Variants in SESTD1 observed in about 807,000 individuals in gnomAD.
SESTD1 encodes the protein SEC14 domain and spectrin repeat-containing protein 1.
SESTD1 carries 43 observed loss-of-function variants against 101.7 expected under a neutral mutation model. The observed-to-expected ratio is 0.42, with a 90% confidence interval of 0.33 to 0.55. The LOEUF is 0.55. Ranked by LOEUF, SESTD1 falls within the 20% of genes least tolerant of loss-of-function variation. SESTD1 has a pLI of 0.07. For missense variants in SESTD1, 647 were observed against 815.1 expected, an observed-to-expected ratio of 0.79 and a Z score of 2.51; for synonymous variants, 283 against 286.8, an observed-to-expected ratio of 0.99 and a Z score of 0.13.
intron 8 of SESTD1, among the ~76,000 whole-genome samples, 176 bp from the exon 9 acceptor site, chr2:179,143,979 AAT>A (rs1222554394): frequency 1.3e-5 from 2 of 151,224 alleles, no homozygotes; most frequent in Non-Finnish European, 1.5e-5. Flanking sequence ...TGTACATATT[AAT>A]ATATATATGT....
intron 5 of SESTD1, among the ~76,000 whole-genome samples, chr2:179,171,776 T>A (rs934845455): frequency 2.6e-5 from 4 of 152,146 alleles, no homozygotes; most frequent in Non-Finnish European, 4.4e-5. Context: ...AAATAGACTA[T>A]AATTTCAACT....
intron 5 of SESTD1, among the ~76,000 whole-genome samples, chr2:179,158,555 C>G (rs899356696): frequency 6.6e-6 from 1 of 152,138 alleles, no homozygotes; most frequent in Non-Finnish European, 1.5e-5. Flanking sequence ...GATTCACCTT[C>G]TTTTATGACA....
intron 8 of SESTD1, among the ~76,000 whole-genome samples, chr2:179,146,146 G>A (rs963005390): frequency 6.6e-6 from 1 of 151,846 alleles, no homozygotes; most frequent in African/African-American, 2.4e-5. Context: ...CTATGCACGC[G>A]AGGGATCCAG....
intron 1 of SESTD1, among the ~76,000 whole-genome samples, chr2:179,231,926 T>C (rs757038258): frequency 1.3e-5 from 2 of 151,948 alleles, no homozygotes; most frequent in African/African-American, 2.4e-5. Context: ...ATGCCTATCA[T>C]CACATAGCAA....
intron 17 of SESTD1, among the ~76,000 whole-genome samples, chr2:179,112,127 T>G (rs1378069654): frequency 1.3e-5 from 2 of 152,312 alleles, no homozygotes; most frequent in East Asian, 3.9e-4. Flanking sequence ...ACCCCATTCC[T>G]TCACACATAA....
chr2:179,127,567 G>A (rs1025391115), intron 10 of SESTD1, among the ~76,000 whole-genome samples: 2 of 152,162 alleles, frequency 1.3e-5, no homozygotes, highest in African/African-American at 4.8e-5. Flanking sequence ...AACATTTTGG[G>A]TTATCACAAC....
intron 1 of SESTD1, among the ~76,000 whole-genome samples, chr2:179,199,090 C>G (rs941877921): frequency 1.3e-5 from 2 of 152,006 alleles, no homozygotes; most frequent in African/African-American, 4.8e-5. Context: ...AGAGAAGAAT[C>G]AAATAGACGC....
At chr2:179,121,483 A>T (rs2044748626) in intron 13 of SESTD1, among the ~76,000 whole-genome samples, 1 of 152,034 alleles carries the variant, frequency 6.6e-6, no homozygotes, top group Non-Finnish European at 1.5e-5. Flanking sequence ...AGTTTTTTTT[A>T]AAGCAGAAGA....
At chr2:179,172,041 G>T in intron 5 of SESTD1, 79 bp downstream of exon 5, 1 of 929,368 alleles carries the variant, frequency 1.1e-6, no homozygotes, top group Non-Finnish European at 1.7e-6. Context: ...AGTAACCAAT[G>T]CTGAACGGTC....
At position 179,132,325 on chromosome 2, in the gene SESTD1, T is replaced by C; in HGVS notation, c.951A>G (p.Glu317=). ...TCACACTGTGCTGGCTCTCAATCTC[T>C]TCGTGTTTCTGCTGTAGGGCCTGGG... is the stretch of plus-strand genomic sequence containing the variant. ...RASQALQQKH[E]EIESQHSEWF... The change falls in exon 10 of 18, where the codon GAA becomes GAG. Residue 317 remains glutamate, a synonymous_variant. Coordinates refer to ENST00000428443, the MANE Select transcript of SESTD1 (RefSeq NM_178123.5). 1 of 1,556,122 alleles carries C rather than the reference T, an allele frequency of 6.4e-7. No homozygotes were observed.
At chr2:179,183,216 A>C in intron 2 of SESTD1, 28 bp from the exon 3 acceptor site, 8 of 1,398,552 alleles carry the variant, frequency 5.7e-6, no homozygotes, top group East Asian at 2.3e-5. Context: ...TAAATTTAAC[A>C]TGTAATACAT....
At chr2:179,256,753 A>C (rs2047399481) in intron 1 of SESTD1, among the ~76,000 whole-genome samples, 1 of 147,970 alleles carries the variant, frequency 6.8e-6, no homozygotes, top group South Asian at 2.2e-4. Flanking sequence ...CAGAGGTTGC[A>C]GTGAGCTGAG....
At chr2:179,191,698 A>C in intron 2 of SESTD1, 89 bp downstream of exon 2, 1 of 1,097,462 alleles carries the variant, frequency 9.1e-7, no homozygotes, top group Non-Finnish European at 1.3e-6. Flanking sequence ...ACTTTCATTA[A>C]AAAAAAATGC....
chr2:179,172,066 TA>T, intron 5 of SESTD1, 53 bp downstream of exon 5: 2 of 1,194,024 alleles, frequency 1.7e-6, no homozygotes, highest in Middle Eastern at 2.0e-4. Flanking sequence ...ATAATTTCAG[TA>T]AAATACTATT....
chr2:179,120,227 C>CAA (rs143045410), intron 13 of SESTD1, among the ~76,000 whole-genome samples: 5 of 144,250 alleles, frequency 3.5e-5, no homozygotes, highest in African/African-American at 1.3e-4. Flanking sequence ...GACTCTGTTT[C>CAA]AAAAAAAAAA....
intron 14 of SESTD1, 115 bp downstream of exon 14, chr2:179,117,417 C>A: frequency 2.4e-6 from 2 of 845,958 alleles, no homozygotes; most frequent in East Asian, 3.1e-5. Flanking sequence ...AAACTAGAAC[C>A]TGACTTCAAG....
At chr2:179,114,306 G>A (rs984579782) in intron 16 of SESTD1, among the ~76,000 whole-genome samples, 2 of 152,100 alleles carry the variant, frequency 1.3e-5, no homozygotes, top group African/African-American at 4.8e-5. Flanking sequence ...GAGGTTCCTT[G>A]CAACATCTGT....
chr2:179,255,652 T>C (rs1363450100), intron 1 of SESTD1, among the ~76,000 whole-genome samples: 2 of 152,212 alleles, frequency 1.3e-5, no homozygotes, highest in East Asian at 1.9e-4. Flanking sequence ...CAAGTGCTGA[T>C]GTAGAAGCTG....
Position 179,151,324 on chromosome 2 carries a change from C to G in SESTD1, c.437G>C (p.Gly146Ala). 1 of 1,608,568 alleles carries G rather than the reference C, an allele frequency of 6.2e-7. No individual in the cohort carries two copies. The change falls in exon 6 of 18, where the codon GGT becomes GCT. Residue 146 changes from glycine (G) to alanine (A), a missense_variant. This residue lies in a region of SESTD1 where 168 missense variants were observed against 235.1 expected (regional missense o/e 0.71). Coordinates refer to ENST00000428443, the MANE Select transcript of SESTD1 (RefSeq NM_178123.5). ...IEPCQLTEDF[G>A]GSLTYDHMDW... ...CATGTGATCATAGGTGAGACTCCCA[C>G]CAAAATCTTCTGTTAATTGGCATGG...
Sources: gnomAD v4.1 joint callset for allele counts (sites outside exome capture counted in the v4.1 genomes callset) on GRCh38, gnomAD v4.1.1 for gene constraint, gnomAD v4.1.1 regional missense constraint, MANE v1.5 for transcripts, NCBI Gene and HGNC (gene_info 2026-07-23, HGNC 2026-07-21) for gene names.